PVT1: variants seen among roughly 807,000 people sequenced by gnomAD.
The protein encoded by PVT1 is CXCR4/PVT1 fusion.
intron 4 of PVT1, among the ~76,000 whole-genome samples, chr8:128,005,570 G>T (rs1052437437): frequency 3.9e-5 from 6 of 152,154 alleles, no homozygotes; most frequent in Admixed American, 3.9e-4. Flanking sequence ...CTGGAGCCCT[G>T]ACTTAGTTAA....
intron 4 of PVT1, among the ~76,000 whole-genome samples, chr8:128,054,625 A>G (rs1563676516): frequency 6.6e-6 from 1 of 152,206 alleles, no homozygotes. Flanking sequence ...GATGGGTTCA[A>G]TGTGGCTGGT....
intron 3 of PVT1, among the ~76,000 whole-genome samples, chr8:127,895,343 C>T (rs367653237): frequency 6.6e-6 from 1 of 152,008 alleles, no homozygotes; most frequent in African/African-American, 2.4e-5. Context: ...TGGTGGCATG[C>T]GCCTGTAATC....
intron 6 of PVT1, chr8:128,099,509 T>G (rs1814473979): frequency 6.6e-6 from 1 of 152,290 alleles, no homozygotes; most frequent in Non-Finnish European, 1.5e-5. Context: ...AAGCCTTGCC[T>G]GACCACTGGC....
chr8:127,926,349 C>T (rs1731845192), intron 3 of PVT1, among the ~76,000 whole-genome samples: 1 of 152,214 alleles, frequency 6.6e-6, no homozygotes, highest in Non-Finnish European at 1.5e-5. Context: ...GTCCCCCTCC[C>T]TGGACCGGTA....
At chr8:127,948,655 G>C (rs1365079558) in intron 3 of PVT1, 1 of 146,806 alleles carries the variant, frequency 6.8e-6, no homozygotes, top group African/African-American at 2.8e-5. Flanking sequence ...GTCCTTATCA[G>C]AAGAAGAGAT....
chr8:127,794,627 G>A (rs1261548612), exon 1 of PVT1: 1 of 152,754 alleles, frequency 6.5e-6, no homozygotes, highest in Non-Finnish European at 1.5e-5. Context: ...GACGAGCTGC[G>A]AGCAAAGATG....
chr8:127,858,141 G>A (rs545919862), intron 2 of PVT1, among the ~76,000 whole-genome samples: 1 of 152,080 alleles, frequency 6.6e-6, no homozygotes, highest in Non-Finnish European at 1.5e-5. Flanking sequence ...CTATAATCAC[G>A]GCACTTTGGG....
intron 2 of PVT1, among the ~76,000 whole-genome samples, chr8:127,886,111 TA>T (rs1268531002): frequency 1.3e-5 from 2 of 151,858 alleles, no homozygotes; most frequent in Non-Finnish European, 2.9e-5. Flanking sequence ...AAAAAATAAA[TA>T]AAATAAATAA....
At chr8:128,084,422 A>G (rs1814231289) in intron 5 of PVT1, among the ~76,000 whole-genome samples, 1 of 152,164 alleles carries the variant, frequency 6.6e-6, no homozygotes, top group African/African-American at 2.4e-5. Context: ...ACTCTCAGAG[A>G]GGCCTTTTCT....
In PVT1 at chr8:128,063,553, G is replaced by GAC. The variant is rs150359865; in HGVS notation, n.913-6591_913-6590dup. ...AATTTTGAGATTTATGTGTGTGCCA[G>GAC]ACACACACACACACACATATGTACA... On this transcript the variant is annotated intron_variant and non_coding_transcript_variant, in intron 4 of 10. Transcript: ENST00000651587. Among the ~76,000 whole-genome samples, 339 of 151,142 alleles carry GAC rather than the reference G, an allele frequency of 2.2e-3. 1 individual carries two copies. The highest frequency in any genetic ancestry group is 6.5e-3 in the African/African-American group (270 of 41,222).
At chr8:127,993,536 T>G (rs901773009) in intron 4 of PVT1, among the ~76,000 whole-genome samples, 2 of 152,234 alleles carry the variant, frequency 1.3e-5, no homozygotes, top group Non-Finnish European at 2.9e-5. Flanking sequence ...AGAAGCAGCA[T>G]TTCACTTTCC....
intron 2 of PVT1, among the ~76,000 whole-genome samples, chr8:127,816,674 C>T (rs1018214524): frequency 6.6e-5 from 10 of 152,128 alleles, no homozygotes; most frequent in African/African-American, 2.4e-4. Flanking sequence ...CGGGCACTCG[C>T]CACCATGCCT....
At chr8:127,805,887 C>T (rs539163464) in intron 2 of PVT1, among the ~76,000 whole-genome samples, 4 of 150,428 alleles carry the variant, frequency 2.7e-5, no homozygotes, top group South Asian at 2.1e-4. Context: ...GAGTGAGACA[C>T]GAAGACTCAG....
At chr8:128,041,363 TTGTTTG>T (rs1195402815) in intron 4 of PVT1, among the ~76,000 whole-genome samples, 3 of 151,348 alleles carry the variant, frequency 2.0e-5, no homozygotes, top group Non-Finnish European at 4.4e-5. Context: ...TGCTCATGTG[TTGTTTG>T]TGTTTGTGTG....
intron 2 of PVT1, among the ~76,000 whole-genome samples, chr8:127,823,832 C>T (rs746248471): frequency 3.3e-5 from 5 of 152,230 alleles, no homozygotes; most frequent in Non-Finnish European, 7.3e-5. Context: ...TCGAAGCAGT[C>T]GGCTTTGATC....
intron 4 of PVT1, among the ~76,000 whole-genome samples, chr8:127,994,024 G>A (rs1402377584): frequency 2.6e-5 from 4 of 152,130 alleles, no homozygotes; most frequent in Non-Finnish European, 5.9e-5. Flanking sequence ...CTCATGGATG[G>A]TGGCTCCCAA....
intron 2 of PVT1, among the ~76,000 whole-genome samples, chr8:127,871,716 A>G (rs189330056): frequency 9.9e-4 from 151 of 152,356 alleles, no homozygotes; most frequent in African/African-American, 3.5e-3. Flanking sequence ...TGTTGATTCA[A>G]AAACAAAACC....
At chr8:127,935,792 G>A (rs1816265748) in intron 3 of PVT1, among the ~76,000 whole-genome samples, 1 of 152,196 alleles carries the variant, frequency 6.6e-6, no homozygotes, top group South Asian at 2.1e-4. Context: ...ATGGAGCGGA[G>A]AACAGTGTCC....
intron 3 of PVT1, among the ~76,000 whole-genome samples, chr8:127,915,679 C>T (rs1241860496): frequency 4.7e-5 from 7 of 148,670 alleles, no homozygotes; most frequent in Non-Finnish European, 1.0e-4. Context: ...CTGGTGGATT[C>T]TATAGAGATG....
Sources: allele counts gnomAD v4.1 joint callset (sites outside exome capture counted in the v4.1 genomes callset), GRCh38; gene constraint gnomAD v4.1.1; transcripts MANE v1.5; gene names NCBI Gene and HGNC (gene_info 2026-07-23, HGNC 2026-07-21).